SORCS1: variants seen among roughly 807,000 people sequenced by gnomAD.
The protein encoded by SORCS1 is sortilin related VPS10 domain containing receptor 1.
In SORCS1, 60 loss-of-function variants were observed where a neutral mutation model predicts 146.1. The ratio of observed to expected loss-of-function variants is 0.41; its 90% confidence interval spans 0.33 to 0.51. The LOEUF (loss-of-function observed/expected upper bound fraction) is 0.51, where lower values mean the gene tolerates loss of function less well. Ranked by LOEUF, SORCS1 falls within the 20% of genes least tolerant of loss-of-function variation. The pLI is 0.21. For synonymous variants in SORCS1, 637 were observed against 584.0 expected (o/e 1.09, Z -1.31); for missense variants, 1,352 against 1,487.6 (o/e 0.91, Z 1.50).
chr10:106,580,568 C>T (rs142307415), intron 24 of SORCS1, among the ~76,000 whole-genome samples: 51 of 152,272 alleles, frequency 3.3e-4, no homozygotes, highest in African/African-American at 1.2e-3. Context: ...TGACCTTTAC[C>T]TTCCATCAAC....
chr10:106,746,862 G>A (rs965574118), intron 5 of SORCS1, among the ~76,000 whole-genome samples: 3 of 152,104 alleles, frequency 2.0e-5, no homozygotes, highest in Non-Finnish European at 4.4e-5. Context: ...TAGGCATCTC[G>A]CTTTCCTTGA....
At chr10:106,583,014 C>A (rs1185296937) in intron 24 of SORCS1, among the ~76,000 whole-genome samples, 2 of 152,148 alleles carry the variant, frequency 1.3e-5, no homozygotes, top group Non-Finnish European at 2.9e-5. Flanking sequence ...TTTTCAGAAT[C>A]AAACCTGGCT....
At chr10:106,579,599 C>T in intron 24 of SORCS1, 125 bp from the exon 25 acceptor site, 1 of 914,450 alleles carries the variant, frequency 1.1e-6, no homozygotes, top group South Asian at 1.6e-5. Context: ...GATATACACA[C>T]AAGATGCATG....
chr10:106,890,815 T>A (rs200135603), intron 2 of SORCS1, among the ~76,000 whole-genome samples: 11,668 of 136,482 alleles, frequency 0.085, 988 homozygotes, highest in African/African-American at 0.29. Flanking sequence ...TACATACATT[T>A]TTTTTTTTTT....
intron 18 of SORCS1, among the ~76,000 whole-genome samples, chr10:106,651,133 G>A (rs185245592): frequency 6.6e-6 from 1 of 152,160 alleles, no homozygotes; most frequent in African/African-American, 2.4e-5. Flanking sequence ...AGGAGTATGG[G>A]GTTACACAGT....
chr10:107,151,079 G>A (rs926049034), intron 1 of SORCS1, among the ~76,000 whole-genome samples: 3 of 152,156 alleles, frequency 2.0e-5, no homozygotes, highest in African/African-American at 4.8e-5. Flanking sequence ...ACAGTTTGGA[G>A]GGCTCAGAAG....
chr10:107,179,807 G>C, the SORCS1 span, among the ~76,000 whole-genome samples: 1 of 149,280 alleles, frequency 6.7e-6, no homozygotes, highest in African/African-American at 2.5e-5. Flanking sequence ...ACATATTTTA[G>C]ATACTAGTCC....
intron 3 of SORCS1, among the ~76,000 whole-genome samples, chr10:106,791,185 C>T (rs150221023): frequency 6.6e-5 from 10 of 152,232 alleles, no homozygotes; most frequent in African/African-American, 1.9e-4. Flanking sequence ...ACTTTAAAGC[C>T]GCACTTCGAA....
At chr10:106,617,856 A>C (rs563279906) in intron 21 of SORCS1, among the ~76,000 whole-genome samples, 1 of 152,296 alleles carries the variant, frequency 6.6e-6, no homozygotes, top group Non-Finnish European at 1.5e-5. Context: ...TATTACTAAC[A>C]ATCTAAGTGA....
intron 2 of SORCS1, among the ~76,000 whole-genome samples, chr10:106,910,391 G>C (rs766955825): frequency 6.6e-6 from 1 of 151,924 alleles, no homozygotes; most frequent in African/African-American, 2.4e-5. Flanking sequence ...GTTAATGACA[G>C]TATCATATTA....
chr10:107,020,685 T>C (rs1313904119), intron 1 of SORCS1, among the ~76,000 whole-genome samples: 2 of 152,300 alleles, frequency 1.3e-5, no homozygotes, highest in South Asian at 2.1e-4. Context: ...CTTCCTGTTA[T>C]AGCTTTCCCT....
chr10:107,004,486 G>T (rs756241663), intron 1 of SORCS1, among the ~76,000 whole-genome samples: 15 of 152,032 alleles, frequency 9.9e-5, no homozygotes, highest in Non-Finnish European at 2.2e-4. Flanking sequence ...GTTGTGCAGG[G>T]GAACTCCCAT....
chr10:106,807,408 C>T (rs1165107799), intron 3 of SORCS1, among the ~76,000 whole-genome samples: 7 of 152,178 alleles, frequency 4.6e-5, no homozygotes, highest in African/African-American at 1.7e-4. Flanking sequence ...CACTGGGACT[C>T]CCAATTACAT....
chr10:107,040,276 T>C (rs1959095921), intron 1 of SORCS1, among the ~76,000 whole-genome samples: 1 of 152,178 alleles, frequency 6.6e-6, no homozygotes, highest in African/African-American at 2.4e-5. Flanking sequence ...CTTCTTGCCA[T>C]GTTAATTTCT....
chr10:106,656,841 T>A (rs1222354424), intron 17 of SORCS1, among the ~76,000 whole-genome samples: 4 of 152,196 alleles, frequency 2.6e-5, no homozygotes, highest in Admixed American at 6.5e-5. Context: ...AAATGCTGAT[T>A]TAATTGAGAA....
chr10:106,934,204 G>A (rs187892633), intron 2 of SORCS1, among the ~76,000 whole-genome samples: 1 of 152,044 alleles, frequency 6.6e-6, no homozygotes, highest in East Asian at 1.9e-4. Context: ...TTATGGGAAT[G>A]TAAATTAGTA....
chr10:106,739,297 C>A (rs1440086978), intron 5 of SORCS1, among the ~76,000 whole-genome samples: 1 of 150,466 alleles, frequency 6.6e-6, no homozygotes, highest in East Asian at 2.0e-4. Context: ...ACCAGCCTGG[C>A]CAACATGGTG....
At chr10:106,862,839 A>G (rs1950075428) in intron 2 of SORCS1, among the ~76,000 whole-genome samples, 1 of 150,986 alleles carries the variant, frequency 6.6e-6, no homozygotes, top group South Asian at 2.1e-4. Context: ...CAGATGAAGT[A>G]GCTGAGACTT....
chr10:106,711,814 C>A (rs989918517), intron 6 of SORCS1, among the ~76,000 whole-genome samples: 2 of 152,136 alleles, frequency 1.3e-5, no homozygotes, highest in African/African-American at 4.8e-5. Context: ...TATCCCTTCC[C>A]AGAACGATCC....
Sources: gnomAD v4.1 joint callset for allele counts (sites outside exome capture counted in the v4.1 genomes callset) on GRCh38, gnomAD v4.1.1 for gene constraint, MANE v1.5 for transcripts, NCBI Gene and HGNC (gene_info 2026-07-23, HGNC 2026-07-21) for gene names.